VWF: variants seen among roughly 807,000 people sequenced by gnomAD.
VWF encodes Factor VIII related antigen.
A neutral mutation model predicts 308.6 loss-of-function variants in VWF; 176 were observed. The ratio of observed to expected loss-of-function variants is 0.57; its 90% CI spans 0.50 to 0.65. The LOEUF is 0.65. VWF is among the 30% of genes least tolerant of loss of function. VWF has a pLI of 0.00. For synonymous variants in VWF, 1,385 were observed against 1,443.4 expected, an observed-to-expected ratio of 0.96 and a Z score of 0.92; for missense variants, 3,146 against 3,648.2, an observed-to-expected ratio of 0.86 and a Z score of 3.55.
At chr12:6,089,156 G>C (rs1331989182) in intron 6 of VWF, among the ~76,000 whole-genome samples, 4 of 152,166 alleles carry the variant, frequency 2.6e-5, no homozygotes, top group African/African-American at 9.7e-5. Flanking sequence ...TCTGAACCTG[G>C]GGGCCCTGCG....
chr12:6,025,495 C>T (rs549384808), intron 24 of VWF, 85 bp downstream of exon 24: 3 of 1,087,052 alleles, frequency 2.8e-6, no homozygotes, highest in Admixed American at 1.9e-5. Context: ...AGGGTAGTGT[C>T]CACGTTAGAA....
At chr12:6,118,089 C>T (rs1395735692) in intron 3 of VWF, among the ~76,000 whole-genome samples, 3 of 152,124 alleles carry the variant, frequency 2.0e-5, no homozygotes, top group Non-Finnish European at 4.4e-5. Flanking sequence ...CACCAGCACA[C>T]GCTACATGTC....
At chr12:5,964,010 A>C (rs942059954) in intron 47 of VWF, among the ~76,000 whole-genome samples, 1 of 151,664 alleles carries the variant, frequency 6.6e-6, no homozygotes, top group Non-Finnish European at 1.5e-5. Context: ...GATTGAGACC[A>C]TTCTGGTTAA....
intron 7 of VWF, among the ~76,000 whole-genome samples, 169 bp from the exon 8 acceptor site, chr12:6,073,910 C>T (rs985274238): frequency 5.3e-5 from 8 of 152,152 alleles, no homozygotes; most frequent in African/African-American, 1.9e-4. Context: ...CCTGAGGCCA[C>T]CCCTCCCTTA....
At chr12:6,033,615 G>C (rs74458476) in intron 20 of VWF, among the ~76,000 whole-genome samples, 1 of 152,204 alleles carries the variant, frequency 6.6e-6, no homozygotes, top group Non-Finnish European at 1.5e-5. Flanking sequence ...ATATCCCCCC[G>C]GATCATAGGT....
intron 3 of VWF, among the ~76,000 whole-genome samples, chr12:6,115,634 C>T (rs1388727647): frequency 6.6e-6 from 1 of 152,196 alleles, no homozygotes; most frequent in Non-Finnish European, 1.5e-5. Context: ...GTTCAGAAAA[C>T]AATGATCTAG....
chr12:6,103,860 A>C (rs1945211428), intron 5 of VWF, among the ~76,000 whole-genome samples: 1 of 152,222 alleles, frequency 6.6e-6, no homozygotes, highest in Non-Finnish European at 1.5e-5. Flanking sequence ...GGCCTAGGCA[A>C]GGAATTTCTG....
At chr12:6,119,677 C>A (rs1311805063) in intron 3 of VWF, among the ~76,000 whole-genome samples, 1 of 152,126 alleles carries the variant, frequency 6.6e-6, no homozygotes, top group Non-Finnish European at 1.5e-5. Context: ...GAAACCCTGT[C>A]TCTACTAAAA....
Position 6,075,522 on chromosome 12 carries a change from C to T in VWF, c.687G>A (p.Lys229=), listed in dbSNP as rs1249220741. The T allele has an allele frequency of 6.2e-7, 1 of 1,614,154 alleles. No individual in the cohort carries two copies. Among genetic ancestry groups the T allele is most frequent in the Non-Finnish European group, 8.5e-7 (1 of 1,179,994 alleles). The change falls in exon 7 of 52, where the codon AAG becomes AAA. Residue 229 remains lysine, a synonymous_variant. Transcript: ENST00000261405. The surrounding 1 kb of genome is among the most constrained non-coding windows in gnomAD (Gnocchi z 4.7). ...GGCAGCGGGCAAACACCGAGGTGCT[C>T]TTCAGAAGCTGGCACTGCTCCCACA... is the stretch of plus-strand genomic sequence containing the variant. ...KGLWEQCQLL[K]STSVFARCHP...
At chr12:6,004,123 T>C (rs1479724813) in intron 34 of VWF, among the ~76,000 whole-genome samples, 1 of 152,164 alleles carries the variant, frequency 6.6e-6, no homozygotes, top group Non-Finnish European at 1.5e-5. Context: ...ATATGTATAT[T>C]ACTGAAAATT....
chr12:5,989,300 T>C (rs1169623651), intron 38 of VWF, among the ~76,000 whole-genome samples: 1 of 152,242 alleles, frequency 6.6e-6, no homozygotes, highest in East Asian at 1.9e-4. Context: ...ATTACTACAA[T>C]AGTTTTATAC....
intron 5 of VWF, among the ~76,000 whole-genome samples, chr12:6,101,148 G>A (rs1402851631): frequency 6.6e-6 from 1 of 152,170 alleles, no homozygotes; most frequent in Non-Finnish European, 1.5e-5. Flanking sequence ...GACATCACCT[G>A]CCGATTAGAC....
At chr12:6,121,456 G>T in intron 2 of VWF, 118 bp from the exon 3 acceptor site, 3 of 1,317,728 alleles carry the variant, frequency 2.3e-6, no homozygotes, top group Non-Finnish European at 3.2e-6. Context: ...GGGCTGTGGG[G>T]AGGTATTTTC....
intron 20 of VWF, among the ~76,000 whole-genome samples, chr12:6,032,326 C>CAA (rs57411884): frequency 1.5e-5 from 2 of 134,348 alleles, no homozygotes; most frequent in African/African-American, 2.8e-5. Flanking sequence ...GACTCCATCT[C>CAA]AAAAAAAAAA....
chr12:6,062,810 G>A, intron 13 of VWF, 144 bp downstream of exon 13: 1 of 683,224 alleles, frequency 1.5e-6, no homozygotes, highest in Non-Finnish European at 2.5e-6. Flanking sequence ...ATAAACAAGA[G>A]AGGCCTGTTT....
chr12:5,967,641 C>T (rs777961739), intron 46 of VWF, 39 bp from the exon 47 acceptor site: 20 of 1,558,270 alleles, frequency 1.3e-5, no homozygotes, highest in Non-Finnish European at 1.8e-5. Context: ...CCCCAGCATC[C>T]CCCAACCCCC....
chr12:6,029,491 G>A lies in VWF; in HGVS notation c.2821-3C>T. 1 of 1,614,068 alleles carries A rather than the reference G, an allele frequency of 6.2e-7. No individual in the cohort carries two copies. Among genetic ancestry groups the A allele is most frequent in the Non-Finnish European group, 8.5e-7 (1 of 1,179,992 alleles). On this transcript the variant is annotated splice_polypyrimidine_tract_variant and splice_region_variant and intron_variant, in intron 21 of 51. Transcript: ENST00000261405. ...TTCATGGGCCTCTTCACATTCACCT[G>A]GAGGAAGACAAAGCAAGAAATCCAG...
rs1591871882 is a variant in VWF, at chr12:6,031,585, A to C, written c.2686-7T>G. 3.1e-6 allele frequency: 5 copies of C among 1,613,886 alleles called. No individual in the cohort carries two copies. Among genetic ancestry groups the C allele is most frequent in the South Asian group, 1.1e-5 (1 of 91,070 alleles). On this transcript the variant is annotated splice_polypyrimidine_tract_variant and splice_region_variant and intron_variant, in intron 20 of 51. Coordinates refer to ENST00000261405, the MANE Select transcript of VWF (RefSeq NM_000552.5). ...GGTTACTGCCGCAGTAATCCTGGGGAAAGAGGAGTGCCAGGAGAAGACCAT... is the reference window on the plus strand; with the variant it reads ...GGTTACTGCCGCAGTAATCCTGGGGCAAGAGGAGTGCCAGGAGAAGACCAT...
intron 47 of VWF, among the ~76,000 whole-genome samples, chr12:5,963,082 C>T (rs939240369): frequency 1.3e-5 from 2 of 152,110 alleles, no homozygotes; most frequent in Non-Finnish European, 2.9e-5. Flanking sequence ...ACTTCTTAAA[C>T]AGGACATAAA....
Sources: gnomAD v4.1 joint callset for allele counts (sites outside exome capture counted in the v4.1 genomes callset) on GRCh38, gnomAD v4.1.1 for gene constraint, Gnocchi (gnomAD v3.1) non-coding constraint, MANE v1.5 for transcripts, NCBI Gene and HGNC (gene_info 2026-07-23, HGNC 2026-07-21) for gene names.